Variants in DCLK1 observed in about 807,000 individuals in gnomAD.
The protein encoded by DCLK1 is doublecortin like kinase 1.
In DCLK1, 16 loss-of-function variants were observed where a neutral mutation model predicts 86.2. That is an observed-to-expected ratio of 0.19 (90% CI 0.13 to 0.28). The LOEUF (loss-of-function observed/expected upper bound fraction) is 0.28, where lower values mean the gene tolerates loss of function less well. Ranked by LOEUF, DCLK1 falls within the 10% of genes least tolerant of loss-of-function variation. DCLK1 has a pLI of 1.00. For synonymous variants in DCLK1, 369 were observed against 370.5 expected (o/e 1.00, Z 0.05); for missense variants, 590 against 940.2 (o/e 0.63, Z 4.87).
Position 35,977,134 on chromosome 13 carries a change from T to A in DCLK1, c.724-29677A>T, listed in dbSNP as rs577376277. Among the ~76,000 whole-genome samples, 3 of 152,344 alleles carry A rather than the reference T, an allele frequency of 2.0e-5. No homozygotes were observed. In the South Asian group the frequency reaches 6.2e-4, roughly 32 times the overall value. ...TTTCGTGTATGTGTGTGTGTATATA[T>A]ATACAGAGAGAGAAAGATAAATTCA... On this transcript the variant is annotated intron_variant, in intron 3 of 16. Transcript: ENST00000360631.
chr13:35,816,249 G>A (rs544462610), intron 11 of DCLK1, among the ~76,000 whole-genome samples: 122 of 152,250 alleles, frequency 8.0e-4, no homozygotes, highest in African/African-American at 1.2e-3. Context: ...CACTATAGAC[G>A]AAAAGGAACT....
At chr13:35,920,984 G>A (rs1425670437) in intron 4 of DCLK1, among the ~76,000 whole-genome samples, 10 of 151,962 alleles carry the variant, frequency 6.6e-5, no homozygotes, top group Admixed American at 3.3e-4. Flanking sequence ...TGCCCCCCAC[G>A]GCCAACAGCC....
At chr13:36,094,138 T>G (rs1884925033) in intron 3 of DCLK1, among the ~76,000 whole-genome samples, 1 of 152,194 alleles carries the variant, frequency 6.6e-6, no homozygotes, top group Admixed American at 6.5e-5. Context: ...TTTTTAAAAA[T>G]CTGCCTTTTT....
intron 3 of DCLK1, among the ~76,000 whole-genome samples, chr13:36,105,935 T>C (rs991932311): frequency 5.3e-5 from 8 of 152,100 alleles, no homozygotes; most frequent in African/African-American, 1.7e-4. Flanking sequence ...CCAGCTGTCA[T>C]AGAAGCAAGA....
At chr13:36,077,527 G>GCAGC (rs1356811943) in intron 3 of DCLK1, among the ~76,000 whole-genome samples, 1 of 152,124 alleles carries the variant, frequency 6.6e-6, no homozygotes, top group Non-Finnish European at 1.5e-5. Context: ...TTGTTCTCAG[G>GCAGC]CAGCCAGAAG....
intron 1 of DCLK1, among the ~76,000 whole-genome samples, chr13:36,127,620 T>C (rs917297800): frequency 5.9e-5 from 9 of 152,200 alleles, no homozygotes; most frequent in Non-Finnish European, 1.3e-4. Context: ...TAAGTACTAA[T>C]TTTTTTATTA....
At chr13:35,824,018 G>A (rs1257409228) in intron 10 of DCLK1, among the ~76,000 whole-genome samples, 1 of 152,038 alleles carries the variant, frequency 6.6e-6, no homozygotes, top group Non-Finnish European at 1.5e-5. Flanking sequence ...GCTACACACA[G>A]GTTTTCAGGT....
intron 14 of DCLK1, 29 bp from the exon 15 acceptor site, chr13:35,805,808 A>G (rs1486338915): frequency 6.2e-7 from 1 of 1,600,304 alleles, no homozygotes; most frequent in Admixed American, 1.7e-5. Context: ...GAGTCCATTT[A>G]TCTGAATTTA....
chr13:35,982,287 G>A (rs1456915933), intron 3 of DCLK1, among the ~76,000 whole-genome samples: 3 of 151,958 alleles, frequency 2.0e-5, no homozygotes. Context: ...GGCCGAGGCA[G>A]GAGGATCACT....
chr13:35,791,383 G>A (rs1029526140), intron 16 of DCLK1, among the ~76,000 whole-genome samples: 29 of 151,812 alleles, frequency 1.9e-4, no homozygotes, highest in Non-Finnish European at 4.4e-5. Flanking sequence ...TTACCAGTTT[G>A]TGCAGTTTCC....
chr13:35,951,858 CCT>C (rs781248803), intron 3 of DCLK1, among the ~76,000 whole-genome samples: 6 of 152,122 alleles, frequency 3.9e-5, no homozygotes, highest in Non-Finnish European at 7.4e-5. Flanking sequence ...TGAAATGAGT[CCT>C]GTTTCTGTAG....
At chr13:35,887,664 A>G (rs1214163319) in intron 4 of DCLK1, among the ~76,000 whole-genome samples, 1 of 152,154 alleles carries the variant, frequency 6.6e-6, no homozygotes, top group Admixed American at 6.5e-5. Context: ...AAGGCAAACA[A>G]TTATCTAGGA....
chr13:35,771,527 G>GA lies in DCLK1; in HGVS notation c.*3007dup, dbSNP rs961640048. 1 of 152,050 alleles carries GA rather than the reference G, an allele frequency of 6.6e-6. No homozygotes were observed. The highest frequency in any genetic ancestry group is 1.9e-4 in the East Asian group (1 of 5,186). 9.4% of individuals were successfully genotyped at this position (152,050 alleles called of 1,614,324 possible). ...AAAATGATTTCTGCTACAATGTTGA[G>GA]AAAAAATGTGTTCATTAATATGAAC... On this transcript the variant is annotated 3_prime_UTR_variant, in exon 17 of 17. Transcript: ENST00000360631.
At chr13:35,973,048 A>AG (rs1879147379) in intron 3 of DCLK1, among the ~76,000 whole-genome samples, 3 of 152,188 alleles carry the variant, frequency 2.0e-5, no homozygotes, top group Non-Finnish European at 4.4e-5. Flanking sequence ...CCCACAGCAG[A>AG]GGAGCTTCCA....
At chr13:36,006,689 G>C (rs376187401) in intron 3 of DCLK1, among the ~76,000 whole-genome samples, 55 of 152,264 alleles carry the variant, frequency 3.6e-4, no homozygotes, top group African/African-American at 1.3e-3. Flanking sequence ...GCAAGCTCTT[G>C]GGCAAAGAGC....
intron 4 of DCLK1, among the ~76,000 whole-genome samples, chr13:35,920,844 G>A (rs1028818303): frequency 3.3e-5 from 5 of 151,970 alleles, no homozygotes; most frequent in African/African-American, 1.2e-4. Context: ...GTCACCACCC[G>A]ATGTGGCCCC....
At chr13:35,920,521 T>G (rs2153126786) in intron 4 of DCLK1, among the ~76,000 whole-genome samples, 1 of 152,140 alleles carries the variant, frequency 6.6e-6, no homozygotes, top group South Asian at 2.1e-4. Context: ...AAGCAGGAAT[T>G]GAAGGGAATA....
At chr13:35,917,235 T>C (rs1156946766) in intron 4 of DCLK1, among the ~76,000 whole-genome samples, 3 of 152,246 alleles carry the variant, frequency 2.0e-5, no homozygotes, top group African/African-American at 7.2e-5. Flanking sequence ...AATAAATTTG[T>C]ATGTTTTTCT....
At chr13:36,004,830 G>A (rs955864275) in intron 3 of DCLK1, among the ~76,000 whole-genome samples, 15 of 152,056 alleles carry the variant, frequency 9.9e-5, no homozygotes, top group South Asian at 2.1e-4. Context: ...TGCCTGCCTC[G>A]GCCTCCCAAA....
Sources: allele counts gnomAD v4.1 joint callset (sites outside exome capture counted in the v4.1 genomes callset), GRCh38; gene constraint gnomAD v4.1.1; transcripts MANE v1.5; gene names NCBI Gene and HGNC (gene_info 2026-07-23, HGNC 2026-07-21).